Variants in PHEX observed in about 807,000 individuals in gnomAD.
The protein encoded by PHEX is phosphate regulating endopeptidase X-linked.
Under a neutral mutation model 68.0 loss-of-function variants are expected in PHEX, and 16 were observed. That is an observed-to-expected ratio of 0.24 (90% CI 0.16 to 0.36). The LOEUF (loss-of-function observed/expected upper bound fraction) is 0.36, where lower values mean the gene tolerates loss of function less well. Ranked by LOEUF, PHEX falls within the 10% of genes least tolerant of loss-of-function variation. The probability of loss-of-function intolerance (pLI) is 1.00; values close to 1 mark genes in which losing one functional copy is unlikely to be tolerated. For synonymous variants in PHEX, 208 were observed against 205.1 expected, an observed-to-expected ratio of 1.01 and a Z score of -0.12; for missense variants, 480 against 575.5, an observed-to-expected ratio of 0.83 and a Z score of 1.70.
chrX:22,198,127 ATATAT>A (rs36224091), intron 15 of PHEX, among the ~76,000 whole-genome samples: 8,205 of 104,168 alleles, frequency 0.079, 808 homozygotes, highest in African/African-American at 0.27. Flanking sequence ...TATACATATA[ATATAT>A]TATATAATAT....
Position 22,250,133 on chromosome X carries a change from A to G in PHEX, c.*2180A>G, listed in dbSNP as rs1936529323. On this transcript the variant is annotated 3_prime_UTR_variant, in exon 22 of 22. Transcript: ENST00000379374. ...AAAGCAGAACAAAACAACAAACCAA[A>G]AGCAGCAATACCAAATCATCACTAC... 1 of 112,064 alleles carries G rather than the reference A, an allele frequency of 8.9e-6. No homozygotes were observed. The allele number at this position is 112,064 out of a possible 1,213,427, so 9.2% of individuals were successfully genotyped here.
chrX:22,181,751 G>A (rs762874315), intron 14 of PHEX, among the ~76,000 whole-genome samples: 7 of 111,284 alleles, frequency 6.3e-5, no homozygotes, highest in East Asian at 5.7e-4. Context: ...TCAATTTCTC[G>A]CATCAATGTT....
intron 16 of PHEX, among the ~76,000 whole-genome samples, chrX:22,213,551 G>A (rs983800936): frequency 2.7e-5 from 3 of 112,077 alleles, no homozygotes; most frequent in East Asian, 5.6e-4. Context: ...AATTGGTAGT[G>A]TATGGACTTA....
At chrX:22,084,512 G>C (rs1454635046) in intron 5 of PHEX, among the ~76,000 whole-genome samples, 1 of 105,187 alleles carries the variant, frequency 9.5e-6, no homozygotes, top group Non-Finnish European at 1.9e-5. Context: ...CTCATAGAAT[G>C]AGTTTGGAAG....
In PHEX at chrX:22,041,477, G is replaced by A. The variant is rs544951543; in HGVS notation, c.187+2940G>A. On this transcript the variant is annotated intron_variant, in intron 2 of 21. Transcript: ENST00000379374. ...TGAGTTAGTAGCAGAGCTGGACTTC[G>A]TGTCCATGTCTGGCTCCTTTCCGTC... Among the ~76,000 whole-genome samples, 11 of 108,498 alleles carry A rather than the reference G, an allele frequency of 1.0e-4. No homozygotes were observed. In the South Asian group the frequency reaches 4.4e-3, roughly 44 times the overall value. 94.2% of individuals were successfully genotyped at this position (108,498 alleles called of 115,157 possible).
At chrX:22,076,619 G>A (rs1929164130) in intron 4 of PHEX, 145 bp downstream of exon 4, 6 of 500,573 alleles carry the variant, frequency 1.2e-5, no homozygotes, top group Middle Eastern at 5.2e-4. Flanking sequence ...GATTGTGAAA[G>A]ACTGGATTTT....
chrX:22,103,561 T>C (rs190892848), intron 9 of PHEX, among the ~76,000 whole-genome samples: 1 of 111,901 alleles, frequency 8.9e-6, no homozygotes, highest in East Asian at 2.8e-4. Context: ...GATATATGTT[T>C]TTCCATTCCT....
At chrX:22,233,904 G>GGAAC in intron 20 of PHEX, among the ~76,000 whole-genome samples, 1 of 112,132 alleles carries the variant, frequency 8.9e-6, no homozygotes, top group Middle Eastern at 4.6e-3. Context: ...TTTGGTTTTT[G>GGAAC]TAACTTTTAG....
At chrX:22,230,646 G>C (rs1935698607) in intron 20 of PHEX, among the ~76,000 whole-genome samples, 1 of 111,347 alleles carries the variant, frequency 9.0e-6, no homozygotes. Flanking sequence ...AGACTTTGCC[G>C]AAGCTGCTTA....
At chrX:22,223,990 T>G (rs765550771) in intron 18 of PHEX, among the ~76,000 whole-genome samples, 1 of 112,244 alleles carries the variant, frequency 8.9e-6, no homozygotes, top group African/African-American at 3.2e-5. Context: ...CCTTAGGTCA[T>G]TGACTTTTTT....
Position 22,219,154 on chromosome X carries a change from A to G in PHEX, c.1768+51A>G, listed in dbSNP as rs370099632. The G allele has an allele frequency of 2.0e-4, 155 of 777,136 alleles. 1 individual carries two copies. In the African/African-American group the frequency reaches 2.9e-3, roughly 15 times the overall value. The allele number at this position is 777,136 out of a possible 1,213,427, so 64.0% of individuals were successfully genotyped here. A position where few individuals can be genotyped will look rare whatever the true frequency, so the allele number is the denominator to read the frequency against. On this transcript the variant is annotated intron_variant, in intron 17 of 21. Coordinates refer to ENST00000379374, the MANE Select transcript of PHEX (RefSeq NM_000444.6). Reference sequence around the variant, plus strand: ...TGCTGCTTTTATAATAATGTTGACTATATGGATGTTAATTGTTATGATTAT... The same window carrying G: ...TGCTGCTTTTATAATAATGTTGACTGTATGGATGTTAATTGTTATGATTAT...
Position 22,114,561 on chromosome X carries a change from A to G in PHEX, c.1277A>G (p.Tyr426Cys), listed in dbSNP as rs1931149662. The G allele has an allele frequency of 8.3e-7, 1 of 1,203,455 alleles. No individual in the cohort carries two copies. The highest frequency in any genetic ancestry group is 1.8e-5 in the African/African-American group (1 of 57,030). The change falls in exon 11 of 22, where the codon TAC becomes TGC. Residue 426 changes from tyrosine to cysteine, a missense_variant. Physicochemically the swap from Tyr to Cys is radical, Grantham distance 194. Transcript: ENST00000379374. Reference sequence around the variant, plus strand: ...GTTGGAAAGATGTTTGTAGATGTGTACTTCCAGGAAGATAAGAAGGAAATG... The same window carrying G: ...GTTGGAAAGATGTTTGTAGATGTGTGCTTCCAGGAAGATAAGAAGGAAATG... ...YVVGKMFVDV[Y>C]FQEDKKEMME... is the part of the protein sequence containing the mutation.
intron 15 of PHEX, among the ~76,000 whole-genome samples, chrX:22,191,022 T>A (rs983512831): frequency 9.0e-6 from 1 of 111,390 alleles, no homozygotes; most frequent in South Asian, 3.8e-4. Flanking sequence ...AAAATTATTA[T>A]TTTTATTATT....
chrX:22,036,021 C>CGT (rs1247808583), intron 1 of PHEX, among the ~76,000 whole-genome samples: 1 of 93,829 alleles, frequency 1.1e-5, no homozygotes, highest in Non-Finnish European at 2.1e-5. Context: ...CACACACACA[C>CGT]ACACACACAC....
In PHEX at chrX:22,247,849, A is replaced by T; in HGVS notation, c.2148-2A>T. On this transcript the variant is annotated splice_acceptor_variant, in intron 21 of 21. Coordinates refer to ENST00000379374, the MANE Select transcript of PHEX (RefSeq NM_000444.6). LOFTEE classifies it high-confidence loss of function. ...CATATGCTTTGACATATCGTTTTTC[A>T]GGGTCAATGGTGCAATTAGTAACTT... The T allele has an allele frequency of 8.5e-7, 1 of 1,176,695 alleles. No homozygotes were observed.
chrX:22,195,991 A>G (rs944106168), intron 15 of PHEX, among the ~76,000 whole-genome samples: 9 of 111,549 alleles, frequency 8.1e-5, no homozygotes, highest in South Asian at 3.8e-4. Flanking sequence ...AGCCTGGGCC[A>G]TATAGCAAGA....
In PHEX at chrX:22,250,071, T is replaced by C. The variant is rs1459366393; in HGVS notation, c.*2118T>C. 2.7e-5 allele frequency: 3 copies of C among 111,893 alleles called. No individual in the cohort carries two copies. The highest frequency in any genetic ancestry group is 3.7e-4 in the South Asian group (1 of 2,667). The allele number at this position is 111,893 out of a possible 1,213,427, so 9.2% of individuals were successfully genotyped here. A position where few individuals can be genotyped will look rare whatever the true frequency, so the allele number is the denominator to read the frequency against. ...TTAACTTTACTTGCTGTAACTGTTA[T>C]ACCGAAAATTGTAGGTAGGATGTCC... On this transcript the variant is annotated 3_prime_UTR_variant, in exon 22 of 22. Transcript: ENST00000379374.
At chrX:22,111,213 A>C (rs1387600758) in intron 9 of PHEX, among the ~76,000 whole-genome samples, 2 of 112,286 alleles carry the variant, frequency 1.8e-5, no homozygotes, top group Non-Finnish European at 3.8e-5. Context: ...GTGAAAGTAA[A>C]ATGTTCACTC....
chrX:22,226,387 T>C (rs748644247), intron 18 of PHEX, 56 bp from the exon 19 acceptor site: 51 of 832,543 alleles, frequency 6.1e-5, no homozygotes, highest in Admixed American at 4.5e-5. Context: ...TGCTGAATGA[T>C]AGTTGACCGT....
Sources: allele counts gnomAD v4.1 joint callset (sites outside exome capture counted in the v4.1 genomes callset), GRCh38; gene constraint gnomAD v4.1.1; transcripts MANE v1.5; gene names NCBI Gene and HGNC (gene_info 2026-07-23, HGNC 2026-07-21).